The following ROBO1 variants were observed in gnomAD, a reference collection of about 807,000 sequenced individuals.
The protein encoded by ROBO1 is roundabout homolog 1.
ROBO1 carries 149 observed loss-of-function variants against 195.9 expected under a neutral mutation model. That is an observed-to-expected ratio of 0.76 (90% CI 0.67 to 0.87). ROBO1 has a LOEUF of 0.87. ROBO1 is among the 40% of genes least tolerant of loss of function. The pLI is 0.00. For missense variants in ROBO1, 1,933 were observed against 2,068.3 expected, an observed-to-expected ratio of 0.93 and a Z score of 1.27; for synonymous variants, 816 against 733.2, an observed-to-expected ratio of 1.11 and a Z score of -1.82.
At chr3:78,889,220 C>T (rs981324650) in intron 4 of ROBO1, among the ~76,000 whole-genome samples, 1 of 152,126 alleles carries the variant, frequency 6.6e-6, no homozygotes, top group Non-Finnish European at 1.5e-5. Flanking sequence ...TTATATTAAG[C>T]AATTTTCCCC....
At chr3:78,753,512 G>C (rs1030365409) in intron 4 of ROBO1, among the ~76,000 whole-genome samples, 9 of 152,092 alleles carry the variant, frequency 5.9e-5, no homozygotes, top group African/African-American at 2.2e-4. Flanking sequence ...ACATCAGTAA[G>C]GATCAATTTT....
intron 25 of ROBO1, among the ~76,000 whole-genome samples, chr3:78,628,349 T>C (rs936041457): frequency 6.6e-5 from 10 of 152,184 alleles, no homozygotes; most frequent in Middle Eastern, 3.2e-3. Context: ...TCTGAAATTA[T>C]AGTAGATCAC....
At chr3:79,243,089 T>A (rs1177778796) in intron 2 of ROBO1, among the ~76,000 whole-genome samples, 3 of 150,356 alleles carry the variant, frequency 2.0e-5, no homozygotes. Context: ...TGGTGTTTGG[T>A]TTTTTGTCCT....
At chr3:79,012,517 T>G (rs139167657) in intron 3 of ROBO1, among the ~76,000 whole-genome samples, 20 of 152,332 alleles carry the variant, frequency 1.3e-4, no homozygotes, top group Non-Finnish European at 2.6e-4. Context: ...GAATATTATT[T>G]TCCGGCTCTA....
intron 2 of ROBO1, among the ~76,000 whole-genome samples, chr3:79,519,757 T>C (rs1233486718): frequency 6.6e-6 from 1 of 152,042 alleles, no homozygotes; most frequent in Admixed American, 6.6e-5. Context: ...ATAGTGGGTC[T>C]GATGTCTTCG....
rs188943589 is a variant in ROBO1 at position 79,750,260 on chromosome 3, G to A, written c.-51+17492C>T. 3.3e-5 allele frequency among the ~76,000 whole-genome samples: 5 copies of A among 152,334 alleles called. No individual in the cohort carries two copies. The East Asian group carries it at 7.7e-4, about 24-fold the overall frequency. Reference sequence around the variant, plus strand: ...TTTGGAACAGATATATTTACCCAATGCCTGTACTTCCATTGTATCTAGGAA... The same window carrying A: ...TTTGGAACAGATATATTTACCCAATACCTGTACTTCCATTGTATCTAGGAA... On this transcript the variant is annotated intron_variant, in intron 1 of 30. Coordinates refer to ENST00000464233, the MANE Select transcript of ROBO1 (RefSeq NM_002941.4).
chr3:79,265,607 G>A (rs576271767), intron 2 of ROBO1, among the ~76,000 whole-genome samples: 1 of 151,522 alleles, frequency 6.6e-6, no homozygotes, highest in Admixed American at 6.6e-5. Flanking sequence ...GTTACAATGG[G>A]TAAGAAGAGC....
At chr3:79,339,137 A>T (rs1170045462) in intron 2 of ROBO1, among the ~76,000 whole-genome samples, 1 of 152,184 alleles carries the variant, frequency 6.6e-6, no homozygotes, top group Admixed American at 6.5e-5. Context: ...CCCAGATCTG[A>T]GCCACCATCT....
At chr3:79,083,479 G>C (rs1456289270) in intron 3 of ROBO1, among the ~76,000 whole-genome samples, 1 of 152,028 alleles carries the variant, frequency 6.6e-6, no homozygotes, top group Non-Finnish European at 1.5e-5. Context: ...TTTCCTACTT[G>C]GGAATTGCAA....
intron 4 of ROBO1, among the ~76,000 whole-genome samples, chr3:78,837,238 A>G (rs1468257364): frequency 6.6e-6 from 1 of 152,160 alleles, no homozygotes; most frequent in East Asian, 1.9e-4. Context: ...TTCCTAACGT[A>G]AGCACAAAAT....
At chr3:78,675,598 G>T (rs1010500456) in intron 10 of ROBO1, among the ~76,000 whole-genome samples, 1 of 152,162 alleles carries the variant, frequency 6.6e-6, no homozygotes, top group Non-Finnish European at 1.5e-5. Context: ...ACTGCAAGGC[G>T]GCAGCGAGGC....
intron 3 of ROBO1, among the ~76,000 whole-genome samples, chr3:78,973,010 G>A (rs938040630): frequency 6.6e-6 from 1 of 152,142 alleles, no homozygotes; most frequent in Admixed American, 6.5e-5. Context: ...GCAGAGAAAA[G>A]AGAACCAGAG....
chr3:79,560,488 T>C (rs1942871825), intron 2 of ROBO1, among the ~76,000 whole-genome samples: 1 of 146,466 alleles, frequency 6.8e-6, no homozygotes, highest in Non-Finnish European at 1.5e-5. Context: ...CATATGTTAG[T>C]TACATTGTGC....
chr3:79,513,153 T>A (rs1347929977), intron 2 of ROBO1, among the ~76,000 whole-genome samples: 1 of 152,116 alleles, frequency 6.6e-6, no homozygotes, highest in African/African-American at 2.4e-5. Context: ...AACAGTATAT[T>A]TAATGAAGTG....
chr3:79,290,359 C>T (rs1479339303), intron 2 of ROBO1, among the ~76,000 whole-genome samples: 2 of 151,892 alleles, frequency 1.3e-5, no homozygotes, highest in Non-Finnish European at 1.5e-5. Context: ...TAACCATTTG[C>T]CTCGTTTATG....
intron 2 of ROBO1, among the ~76,000 whole-genome samples, chr3:79,370,321 G>A (rs1235980334): frequency 6.6e-6 from 1 of 151,960 alleles, no homozygotes; most frequent in Non-Finnish European, 1.5e-5. Flanking sequence ...TGGCCCCCCT[G>A]TACTCCAGCC....
At chr3:79,267,127 T>C (rs147896466) in intron 2 of ROBO1, among the ~76,000 whole-genome samples, 1 of 151,488 alleles carries the variant, frequency 6.6e-6, no homozygotes, top group Non-Finnish European at 1.5e-5. Context: ...TTATTAGTCA[T>C]ACAAGACATA....
chr3:79,252,367 T>C (rs890598266), intron 2 of ROBO1, among the ~76,000 whole-genome samples: 2 of 151,990 alleles, frequency 1.3e-5, no homozygotes, highest in Non-Finnish European at 2.9e-5. Flanking sequence ...AGGGGAAAAT[T>C]TGGACACACA....
At chr3:78,604,858 T>C (rs1007957690) in intron 29 of ROBO1, among the ~76,000 whole-genome samples, 2 of 152,232 alleles carry the variant, frequency 1.3e-5, no homozygotes, top group African/African-American at 4.8e-5. Flanking sequence ...TCTTTGCTGA[T>C]TCCTCAACTA....
Sources: allele counts gnomAD v4.1 joint callset (sites outside exome capture counted in the v4.1 genomes callset), GRCh38; gene constraint gnomAD v4.1.1; transcripts MANE v1.5; gene names NCBI Gene and HGNC (gene_info 2026-07-23, HGNC 2026-07-21).